The following SPMIP4 variants were observed in gnomAD, a reference collection of about 807,000 sequenced individuals.
SPMIP4 encodes sperm-associated microtubule inner protein 4.
chr7:25,139,053 G>A, the SPMIP4 span, among the ~76,000 whole-genome samples: 27 of 152,216 alleles, frequency 1.8e-4, no homozygotes, highest in African/African-American at 6.5e-4. Context: ...TGGAATGATA[G>A]TATTCTGTAT....
the SPMIP4 span, chr7:25,142,392 A>G: frequency 9.8e-6 from 12 of 1,230,396 alleles, no homozygotes; most frequent in Admixed American, 1.3e-4. Flanking sequence ...CAGTTATATT[A>G]CCCTTTATAG....
At chr7:25,142,208 C>G in the SPMIP4 span, 3 of 1,530,162 alleles carry the variant, frequency 2.0e-6, no homozygotes, top group South Asian at 2.3e-5. Context: ...CACTCTCCCC[C>G]AAAATAACTG....
the SPMIP4 span, among the ~76,000 whole-genome samples, chr7:25,145,706 A>G: frequency 6.6e-6 from 1 of 152,266 alleles, no homozygotes; most frequent in Non-Finnish European, 1.5e-5. Flanking sequence ...ATATATTCTC[A>G]GAGGAATAGT....
chr7:25,173,107 G>A, the SPMIP4 span, among the ~76,000 whole-genome samples: 1 of 151,958 alleles, frequency 6.6e-6, no homozygotes, highest in Non-Finnish European at 1.5e-5. The surrounding 1 kb of genome is among the most constrained non-coding windows in gnomAD (Gnocchi z 4.4). Flanking sequence ...TAGATAGGGA[G>A]AGAGAAGGGG....
At chr7:25,127,810 C>A in the SPMIP4 span, among the ~76,000 whole-genome samples, 1 of 152,108 alleles carries the variant, frequency 6.6e-6, no homozygotes, top group African/African-American at 2.4e-5. Flanking sequence ...ACAGTCTGGG[C>A]TTTTTATTTT....
At chr7:25,174,372 C>T in the SPMIP4 span, among the ~76,000 whole-genome samples, 3 of 152,086 alleles carry the variant, frequency 2.0e-5, no homozygotes, top group Non-Finnish European at 4.4e-5. This position sits in a 1 kb window ranked among gnomAD's most constrained non-coding sequence, Gnocchi z 4.5. Flanking sequence ...ATTGGTGCTA[C>T]CATCTCTAGC....
chr7:25,125,775 A>T, the SPMIP4 span: 1 of 313,288 alleles, frequency 3.2e-6, no homozygotes, highest in South Asian at 1.2e-4. Context: ...ACTCTGTCCT[A>T]CTACCACGGC....
At chr7:25,172,396 C>A in the SPMIP4 span, among the ~76,000 whole-genome samples, 1 of 152,136 alleles carries the variant, frequency 6.6e-6, no homozygotes, top group African/African-American at 2.4e-5. The surrounding 1 kb of genome is among the most constrained non-coding windows in gnomAD (Gnocchi z 4.2). Context: ...GGTTGAAAAC[C>A]CAGGGAGAAA....
the SPMIP4 span, among the ~76,000 whole-genome samples, chr7:25,155,648 T>C: frequency 6.6e-6 from 1 of 152,224 alleles, no homozygotes; most frequent in Non-Finnish European, 1.5e-5. Context: ...CCAGGCCATC[T>C]GTTTCTTTAA....
At chr7:25,179,498 T>G in the SPMIP4 span, 1 of 461,384 alleles carries the variant, frequency 2.2e-6, no homozygotes, top group Admixed American at 4.2e-5. Flanking sequence ...ATAAGTTCTA[T>G]GGAAATAAAT....
chr7:25,133,508 A>G, the SPMIP4 span, among the ~76,000 whole-genome samples: 4 of 152,362 alleles, frequency 2.6e-5, no homozygotes, highest in East Asian at 7.7e-4. Context: ...CAAAGTGGTC[A>G]TATTTAGAAG....
At chr7:25,172,626 T>C in the SPMIP4 span, among the ~76,000 whole-genome samples, 1 of 152,110 alleles carries the variant, frequency 6.6e-6, no homozygotes, top group Non-Finnish European at 1.5e-5. The surrounding 1 kb of genome is among the most constrained non-coding windows in gnomAD (Gnocchi z 4.2). Flanking sequence ...TTGTTTTAAG[T>C]GGAACCAGGA....
the SPMIP4 span, among the ~76,000 whole-genome samples, chr7:25,164,369 G>C: frequency 6.6e-6 from 1 of 152,146 alleles, no homozygotes; most frequent in Non-Finnish European, 1.5e-5. Context: ...AAGGGCCAGA[G>C]GATATTACAC....
the SPMIP4 span, among the ~76,000 whole-genome samples, chr7:25,172,925 G>T: frequency 1.3e-5 from 2 of 148,412 alleles, no homozygotes; most frequent in Admixed American, 6.9e-5. This position sits in a 1 kb window ranked among gnomAD's most constrained non-coding sequence, Gnocchi z 4.2. Flanking sequence ...AAATCCTCTG[G>T]ACTATACCCT....
chr7:25,160,127 T>C, the SPMIP4 span, among the ~76,000 whole-genome samples: 1 of 152,176 alleles, frequency 6.6e-6, no homozygotes, highest in Non-Finnish European at 1.5e-5. Flanking sequence ...ACCCTTCACA[T>C]CTGCTTTGCA....
At chr7:25,150,813 T>C in the SPMIP4 span, among the ~76,000 whole-genome samples, 6 of 152,324 alleles carry the variant, frequency 3.9e-5, no homozygotes, top group East Asian at 1.9e-4. Context: ...ATGCTAACCT[T>C]AGGAGGTTAT....
the SPMIP4 span, among the ~76,000 whole-genome samples, chr7:25,166,872 T>C: frequency 6.6e-6 from 1 of 151,236 alleles, no homozygotes; most frequent in East Asian, 1.9e-4. Flanking sequence ...TCCAGCCTGG[T>C]CAACAAGAGT....
the SPMIP4 span, among the ~76,000 whole-genome samples, chr7:25,175,646 T>C: frequency 1.3e-5 from 2 of 152,180 alleles, no homozygotes; most frequent in East Asian, 3.8e-4. Context: ...AGCTGCTGAG[T>C]GCAAACGTAT....
chr7:25,165,557 A>AT, the SPMIP4 span, among the ~76,000 whole-genome samples: 2 of 152,036 alleles, frequency 1.3e-5, no homozygotes, highest in Non-Finnish European at 2.9e-5. Context: ...GGTTTAAGTG[A>AT]TTCTCCTGCC....
Sources: gnomAD v4.1 joint callset for allele counts (sites outside exome capture counted in the v4.1 genomes callset) on GRCh38, gnomAD v4.1.1 for gene constraint, Gnocchi (gnomAD v3.1) non-coding constraint, MANE v1.5 for transcripts, NCBI Gene and HGNC (gene_info 2026-07-23, HGNC 2026-07-21) for gene names.